The following CDYL2 variants were observed in gnomAD, a reference collection of about 807,000 sequenced individuals.
CDYL2 encodes chromodomain Y like 2.
CDYL2 carries 23 observed loss-of-function variants against 49.4 expected under a neutral mutation model. That is an observed-to-expected ratio of 0.47 (90% CI 0.34 to 0.66). The LOEUF is 0.66. Ranked by LOEUF, CDYL2 falls within the 30% of genes least tolerant of loss-of-function variation. The probability of loss-of-function intolerance (pLI) is 0.01; values close to 1 mark genes in which losing one functional copy is unlikely to be tolerated. For missense variants in CDYL2, 678 were observed against 656.4 expected, an observed-to-expected ratio of 1.03 and a Z score of -0.36; for synonymous variants, 360 against 268.8, an observed-to-expected ratio of 1.34 and a Z score of -3.32.
chr16:80,599,568 C>T lies in CDYL2; in HGVS notation c.*4820G>A, dbSNP rs1905989696. On this transcript the variant is annotated 3_prime_UTR_variant, in exon 7 of 7. Transcript: ENST00000570137. ...TGATACACATAGTTCATTGATAAGACACTGAGGACACATGGGAATGCTGAT... is the reference window on the plus strand; with the variant it reads ...TGATACACATAGTTCATTGATAAGATACTGAGGACACATGGGAATGCTGAT... 1 of 152,156 alleles carries T rather than the reference C, an allele frequency of 6.6e-6. No individual in the cohort carries two copies. The highest frequency in any genetic ancestry group is 1.5e-5 in the Non-Finnish European group (1 of 68,028). 9.4% of individuals were successfully genotyped at this position (152,156 alleles called of 1,614,324 possible).
chr16:80,704,346 T>C (rs1904332667), intron 1 of CDYL2, among the ~76,000 whole-genome samples: 3 of 152,244 alleles, frequency 2.0e-5, no homozygotes, highest in Admixed American at 1.3e-4. Flanking sequence ...ATACCAAAGA[T>C]GGAACTTGAT....
intron 1 of CDYL2, among the ~76,000 whole-genome samples, chr16:80,793,360 TTAAGG>T (rs1241545559): frequency 6.6e-6 from 1 of 152,206 alleles, no homozygotes; most frequent in Non-Finnish European, 1.5e-5. Flanking sequence ...TCAATTTGCT[TTAAGG>T]CACTTTTGTT....
rs1036416493 is a variant in CDYL2 at position 80,791,850 on chromosome 16, G to A, written c.24+12300C>T. Among the ~76,000 whole-genome samples the A allele has an allele frequency of 2.6e-5, 4 of 152,162 alleles. No individual in the cohort carries two copies. In the East Asian group the frequency reaches 7.7e-4, roughly 29 times the overall value. On this transcript the variant is annotated intron_variant, in intron 1 of 6. Coordinates refer to ENST00000570137, the MANE Select transcript of CDYL2 (RefSeq NM_152342.4). ...GAGACATAATAAAATGGACATTGTT[G>A]AAAGACTCATGAGTATAGTCCAGAG...
chr16:80,779,287 A>G (rs971756781), intron 1 of CDYL2, among the ~76,000 whole-genome samples: 11 of 152,242 alleles, frequency 7.2e-5, no homozygotes, highest in Non-Finnish European at 1.6e-4. Flanking sequence ...AATTAAACCC[A>G]TTAATGGTTT....
At chr16:80,673,314 T>G (rs1909608683) in intron 2 of CDYL2, among the ~76,000 whole-genome samples, 1 of 152,086 alleles carries the variant, frequency 6.6e-6, no homozygotes, top group Admixed American at 6.6e-5. Flanking sequence ...AGCAAGACTC[T>G]GTCTCAAAAA....
chr16:80,776,610 A>G (rs1369123635), intron 1 of CDYL2, among the ~76,000 whole-genome samples: 2 of 149,856 alleles, frequency 1.3e-5, no homozygotes, highest in Non-Finnish European at 3.0e-5. Context: ...TATATATTAT[A>G]TATTTTAATA....
intron 1 of CDYL2, among the ~76,000 whole-genome samples, chr16:80,755,394 C>G (rs1220895104): frequency 1.3e-5 from 2 of 152,152 alleles, no homozygotes; most frequent in Non-Finnish European, 2.9e-5. Context: ...AACCAGAGCC[C>G]ATACTCGGCA....
At position 80,627,922 on chromosome 16, in the gene CDYL2, C is replaced by T. The variant is rs1023326415; in HGVS notation, c.834+5097G>A. On this transcript the variant is annotated intron_variant, in intron 3 of 6. Transcript: ENST00000570137. ...AGAGAACAGACTCCCCCTCTATGAC[C>T]TCTAGCTTTGGATCCGGCGTGGGTT... 3.3e-5 allele frequency: 5 copies of T among 152,236 alleles called. No homozygotes were observed. The East Asian group carries it at 5.8e-4, about 18-fold the overall frequency. 9.4% of individuals were successfully genotyped at this position (152,236 alleles called of 1,614,324 possible).
At chr16:80,793,022 C>T (rs898457762) in intron 1 of CDYL2, among the ~76,000 whole-genome samples, 1 of 152,196 alleles carries the variant, frequency 6.6e-6, no homozygotes, top group Admixed American at 6.5e-5. Context: ...AGAGCAGCTT[C>T]GCCATCTGTC....
At chr16:80,746,715 CA>C (rs1343515488) in intron 1 of CDYL2, among the ~76,000 whole-genome samples, 2 of 152,090 alleles carry the variant, frequency 1.3e-5, no homozygotes, top group Non-Finnish European at 2.9e-5. Flanking sequence ...GGGTGTGGGG[CA>C]GGGGGAGGGA....
chr16:80,598,594 G>A lies in CDYL2; in HGVS notation c.*5794C>T, dbSNP rs1157180216. 1 of 152,044 alleles carries A rather than the reference G, an allele frequency of 6.6e-6. No homozygotes were observed. Among genetic ancestry groups the A allele is most frequent in the East Asian group, 1.9e-4 (1 of 5,168 alleles). 9.4% of individuals were successfully genotyped at this position (152,044 alleles called of 1,614,324 possible). Reference sequence around the variant, plus strand: ...ACATGTCTGAAAAATTCTTACCCTGGAGGTTCATATTCAGATGGAGGAGTC... The same window carrying A: ...ACATGTCTGAAAAATTCTTACCCTGAAGGTTCATATTCAGATGGAGGAGTC... On this transcript the variant is annotated 3_prime_UTR_variant, in exon 7 of 7. Transcript: ENST00000570137.
At chr16:80,637,486 T>C (rs558345925) in intron 2 of CDYL2, among the ~76,000 whole-genome samples, 1 of 152,240 alleles carries the variant, frequency 6.6e-6, no homozygotes, top group Non-Finnish European at 1.5e-5. Context: ...ATGACAAGAC[T>C]TGTCTACATA....
chr16:80,626,050 A>G (rs13335153), intron 3 of CDYL2, among the ~76,000 whole-genome samples: 63,622 of 151,592 alleles, frequency 0.42, 15,476 homozygotes, highest in African/African-American at 0.68. Flanking sequence ...GGCACTTTGG[A>G]AGGCTGAGGC....
intron 1 of CDYL2, among the ~76,000 whole-genome samples, chr16:80,712,212 T>TAC (rs1320619767): frequency 7.6e-5 from 10 of 131,938 alleles, no homozygotes; most frequent in South Asian, 2.4e-4. Flanking sequence ...TATATATATA[T>TAC]ATATCTCCAA....
chr16:80,619,493 C>T (rs987976001), intron 4 of CDYL2, among the ~76,000 whole-genome samples: 2 of 152,194 alleles, frequency 1.3e-5, no homozygotes, highest in African/African-American at 2.4e-5. Flanking sequence ...ATTGACGCTC[C>T]ACGGGTCACA....
intron 1 of CDYL2, among the ~76,000 whole-genome samples, chr16:80,718,554 G>C (rs542128716): frequency 1.3e-5 from 2 of 152,308 alleles, no homozygotes; most frequent in Non-Finnish European, 2.9e-5. Context: ...AAACAGAGCT[G>C]ATTTACTGCT....
intron 2 of CDYL2, among the ~76,000 whole-genome samples, chr16:80,642,161 C>T (rs2316153): frequency 6.6e-5 from 10 of 151,938 alleles, no homozygotes; most frequent in Admixed American, 1.3e-4. Context: ...ATTTATTAGT[C>T]GCCGGGTGTG....
chr16:80,709,925 G>A (rs543839313), intron 1 of CDYL2, among the ~76,000 whole-genome samples: 4 of 147,094 alleles, frequency 2.7e-5, no homozygotes, highest in Non-Finnish European at 5.9e-5. Flanking sequence ...TGGACAGCAG[G>A]CTGATTTTTT....
At chr16:80,743,114 G>A (rs1905806212) in intron 1 of CDYL2, among the ~76,000 whole-genome samples, 1 of 152,120 alleles carries the variant, frequency 6.6e-6, no homozygotes, top group African/African-American at 2.4e-5. Flanking sequence ...CCTTCCTTTG[G>A]TAGCATGTCG....
Sources: allele counts gnomAD v4.1 joint callset (sites outside exome capture counted in the v4.1 genomes callset), GRCh38; gene constraint gnomAD v4.1.1; transcripts MANE v1.5; gene names NCBI Gene and HGNC (gene_info 2026-07-23, HGNC 2026-07-21).